Variants in PMEL observed in about 807,000 individuals in gnomAD.
PMEL encodes melanocyte protein PMEL.
A neutral mutation model predicts 64.9 loss-of-function variants in PMEL; 53 were observed. That is an observed-to-expected ratio of 0.82 (90% CI 0.66 to 1.03). The LOEUF (loss-of-function observed/expected upper bound fraction) is 1.03. Among genes scored for constraint, PMEL ranks in the 50% least tolerant of loss-of-function variants. The pLI is 0.00. For missense variants in PMEL, 716 were observed against 814.9 expected (o/e 0.88, Z 1.48); for synonymous variants, 299 against 316.2 (o/e 0.95, Z 0.58).
intron 3 of PMEL, among the ~76,000 whole-genome samples, chr12:55,958,858 T>C (rs1194499946): frequency 6.6e-6 from 1 of 151,960 alleles, no homozygotes; most frequent in African/African-American, 2.4e-5. Flanking sequence ...CACAGCTCAC[T>C]GGAGTGTCAA....
intron 6 of PMEL, 79 bp downstream of exon 6, chr12:55,956,870 A>ATCTGAGTCCTGGGTAAGACTT (rs1459456032): frequency 2.7e-6 from 4 of 1,479,220 alleles, no homozygotes; most frequent in Non-Finnish European, 3.7e-6. Context: ...ATTGGGTAAC[A>ATCTGAGTCCTGGGTAAGACTT]TCTGAGTCCT....
At chr12:55,961,802 T>C in intron 1 of PMEL, 70 bp from the exon 2 acceptor site, 1 of 951,660 alleles carries the variant, frequency 1.1e-6, no homozygotes, top group Non-Finnish European at 1.7e-6. Context: ...ACTCTATTCA[T>C]GTCACTCCAT....
Position 55,958,033 on chromosome 12 carries a change from G to C in PMEL, c.521C>G (p.Thr174Arg). 1.2e-6 allele frequency: 2 copies of C among 1,614,186 alleles called. No individual in the cohort carries two copies. The highest frequency in any genetic ancestry group is 1.7e-6 in the Non-Finnish European group (2 of 1,180,022). The change falls in exon 5 of 11, where the codon ACA becomes AGA. Residue 174 changes from threonine to arginine, a missense_variant. Thr to Arg is a moderately conservative substitution (Grantham distance 71). Transcript: ENST00000548747. The stretch of plus-strand genomic sequence containing the variant: ...GTGTGTGCCCAGCATTGCCCTGCCT[G>C]TCCCAATGCTCAGCCCAGACACTGG... ...GGPVSGLSIGTGRAMLGTHTM... is the reference protein window; with the variant it reads ...GGPVSGLSIGRGRAMLGTHTM...
intron 1 of PMEL, 67 bp downstream of exon 1, chr12:55,965,869 A>C: frequency 1.8e-5 from 28 of 1,596,708 alleles, no homozygotes; most frequent in Non-Finnish European, 2.3e-5. Context: ...TTAGGAGGAC[A>C]GAAACCAGAG....
chr12:55,961,733 C>G lies in PMEL; in HGVS notation c.77-1G>C. ...CCAAGCCAGTCCTGGTTTCTGGGTA[C>G]TAAAAGGAATGTGCCATGAAGGGCC... On this transcript the variant is annotated splice_acceptor_variant, in intron 1 of 10. Coordinates refer to ENST00000548747, the MANE Select transcript of PMEL (RefSeq NM_001384361.1). LOFTEE classifies it high-confidence loss of function. 6.2e-7 allele frequency: 1 copy of G among 1,610,120 alleles called. No individual in the cohort carries two copies. Among genetic ancestry groups the G allele is most frequent in the Non-Finnish European group, 8.5e-7 (1 of 1,176,496 alleles).
chr12:55,963,188 A>G (rs1285871874), intron 1 of PMEL, among the ~76,000 whole-genome samples: 1 of 152,044 alleles, frequency 6.6e-6, no homozygotes, highest in Non-Finnish European at 1.5e-5. Context: ...TTTGAACATG[A>G]TCAAATTTGT....
intron 5 of PMEL, 46 bp from the exon 6 acceptor site, chr12:55,957,717 C>T: frequency 6.4e-7 from 1 of 1,564,386 alleles, no homozygotes; most frequent in South Asian, 1.2e-5. Flanking sequence ...TGAGCCACAG[C>T]TTCTCCTTTC....
chr12:55,966,265 A>C, upstream of PMEL: 1 of 570,194 alleles, frequency 1.8e-6, no homozygotes, highest in Non-Finnish European at 3.1e-6. Flanking sequence ...GGCAAGAGCT[A>C]ACTGAAAGGC....
Position 55,954,229 on chromosome 12 carries a change from A to C in PMEL, c.1971T>G (p.Ser657Arg), listed in dbSNP as rs950165264. 1.9e-6 allele frequency: 3 copies of C among 1,611,864 alleles called. No homozygotes were observed. In the East Asian group the frequency reaches 6.7e-5, roughly 36 times the overall value. Reference sequence around the variant, plus strand: ...ATGAGAGTACTCAGACCTGCTGCCCACTGAGGAGGGGGCTGTTCTCACCAA... The same window carrying C: ...ATGAGAGTACTCAGACCTGCTGCCCCCTGAGGAGGGGGCTGTTCTCACCAA... ...CPIGENSPLL[S>R]GQQV Residue 657 changes from serine (S) to arginine (R), a missense_variant, in exon 11 of 11, where the codon AGT becomes AGG. Physicochemically the swap from Ser to Arg is moderately radical, Grantham distance 110. Transcript: ENST00000548747.
Position 55,957,658 on chromosome 12 carries a change from G to C in PMEL, c.645C>G (p.Phe215Leu), listed in dbSNP as rs780372062. Reference sequence around the variant, plus strand: ...CCCGCAACTGGGACACGCTCACGGAGAAAGGCACCTGGTCTGGGATTGGAG... The same window carrying C: ...CCCGCAACTGGGACACGCTCACGGACAAAGGCACCTGGTCTGGGATTGGAG... ...SAFTITDQVP[F>L]SVSVSQLRAL... The change falls in exon 6 of 11, where the codon TTC becomes TTG. Residue 215 changes from phenylalanine to leucine, a missense_variant. Transcript: ENST00000548747. 1.5e-5 allele frequency: 24 copies of C among 1,611,238 alleles called. No individual in the cohort carries two copies. Among genetic ancestry groups the C allele is most frequent in the Middle Eastern group, 3.3e-4 (2 of 6,076 alleles).
At position 55,957,476 on chromosome 12, in the gene PMEL, A is replaced by G; in HGVS notation, c.827T>C (p.Val276Ala). 6.2e-7 allele frequency: 1 copy of G among 1,613,998 alleles called. No homozygotes were observed. The highest frequency in any genetic ancestry group is 8.5e-7 in the Non-Finnish European group (1 of 1,180,004). The change falls in exon 6 of 11, where the codon GTC becomes GCC. Residue 276 changes from valine (V) to alanine (A), a missense_variant. Physicochemically the swap from Val to Ala is moderately conservative, Grantham distance 64 (BLOSUM62 0). Transcript: ENST00000548747. ...SGTLISRALV[V>A]THTYLEPGPV... is the part of the protein sequence containing the mutation. The stretch of plus-strand genomic sequence containing the variant: ...GCCAGGCTCCAGGTAAGTATGAGTG[A>G]CCACAAGTGCCCGAGAGATCAGGGT...
intron 10 of PMEL, 32 bp from the exon 11 acceptor site, chr12:55,954,381 C>T: frequency 6.2e-7 from 1 of 1,613,094 alleles, no homozygotes; most frequent in African/African-American, 1.3e-5. Flanking sequence ...AACTGGTTAG[C>T]AATGGACAAA....
At chr12:55,961,834 A>ATTTTTT (rs1201947206) in intron 1 of PMEL, 102 bp from the exon 2 acceptor site, 3 of 511,012 alleles carry the variant, frequency 5.9e-6, no homozygotes, top group Non-Finnish European at 1.0e-5. Flanking sequence ...TTCGAAGTGC[A>ATTTTTT]TTTTTTTTTT....
At position 55,954,433 on chromosome 12, in the gene PMEL, TA is replaced by T. The variant is rs1358905364; in HGVS notation, c.1851-85del. On this transcript the variant is annotated intron_variant, in intron 10 of 10. Coordinates refer to ENST00000548747, the MANE Select transcript of PMEL (RefSeq NM_001384361.1). ...TTCTCCAAAGAAGGGAACACACCCA[TA>T]TCCCAGTCTGCTTAGCCTTGATCCT... 13 of 1,404,262 alleles carry T rather than the reference TA, an allele frequency of 9.3e-6. No individual in the cohort carries two copies. The African/African-American group carries it at 1.6e-4, about 17-fold the overall frequency. 87.0% of individuals were successfully genotyped at this position (1,404,262 alleles called of 1,614,324 possible).
intron 3 of PMEL, among the ~76,000 whole-genome samples, chr12:55,959,618 A>G (rs150156642): frequency 3.1e-4 from 47 of 152,136 alleles, no homozygotes; most frequent in African/African-American, 1.1e-3. Flanking sequence ...CAGCCTGGCC[A>G]ACATGGTAAA....
rs558256254 is a variant in PMEL, at chr12:55,961,100, G to C, written c.334+217C>G. On this transcript the variant is annotated intron_variant, in intron 3 of 10. Coordinates refer to ENST00000548747, the MANE Select transcript of PMEL (RefSeq NM_001384361.1). ...GGCGCCTGTAGTCCCAGCTACTCGGGAGGCTGAGGCAGGAGAATGGCGTGA... is the reference window on the plus strand; with the variant it reads ...GGCGCCTGTAGTCCCAGCTACTCGGCAGGCTGAGGCAGGAGAATGGCGTGA... The C allele has an allele frequency of 4.1e-3, 1,844 of 451,442 alleles. 25 individuals are homozygous for C. Among genetic ancestry groups the C allele is most frequent in the African/African-American group, 0.034 (1,698 of 50,556 alleles). 28.0% of individuals were successfully genotyped at this position (451,442 alleles called of 1,614,324 possible).
Position 55,955,848 on chromosome 12 carries a change from G to C in PMEL, c.1487C>G (p.Ala496Gly), listed in dbSNP as rs1888861431. 1 of 1,613,836 alleles carries C rather than the reference G, an allele frequency of 6.2e-7. No homozygotes were observed. Among genetic ancestry groups the C allele is most frequent in the Admixed American group, 1.7e-5 (1 of 59,996 alleles). ...GGACGGCACAGCCTGCAGGATCTCG[G>C]CACTTTCAATACCCTCTGCAGAGTT... ...TLDIVQGIES[A>G]EILQAVPSGE... The change falls in exon 8 of 11, where the codon GCC becomes GGC. Residue 496 changes from alanine (A) to glycine (G), a missense_variant. Transcript: ENST00000548747.
chr12:55,966,062 C>T, upstream of PMEL: 1 of 1,613,844 alleles, frequency 6.2e-7, no homozygotes, highest in Non-Finnish European at 8.5e-7. Context: ...GGGATAGGCC[C>T]CTATATAAGA....
intron 2 of PMEL, 50 bp downstream of exon 2, chr12:55,961,572 T>G: frequency 6.3e-7 from 1 of 1,595,954 alleles, no homozygotes; most frequent in Non-Finnish European, 8.6e-7. Flanking sequence ...CTTGCTTTTT[T>G]CCTCATCCCA....
Sources: allele counts gnomAD v4.1 joint callset (sites outside exome capture counted in the v4.1 genomes callset), GRCh38; gene constraint gnomAD v4.1.1; transcripts MANE v1.5; gene names NCBI Gene and HGNC (gene_info 2026-07-23, HGNC 2026-07-21).